Variants in ARFGEF3 observed in about 807,000 individuals in gnomAD.
ARFGEF3 encodes brefeldin A-inhibited guanine nucleotide-exchange protein 3.
In ARFGEF3, 96 loss-of-function variants were observed where a neutral mutation model predicts 221.7. That is an observed-to-expected ratio of 0.43 (90% CI 0.37 to 0.51). ARFGEF3 has a LOEUF of 0.51. Among genes scored for constraint, ARFGEF3 ranks in the 20% least tolerant of loss-of-function variants. The probability of loss-of-function intolerance (pLI) is 0.00; values close to 1 mark genes in which losing one functional copy is unlikely to be tolerated. For synonymous variants in ARFGEF3, 1,145 were observed against 1,126.8 expected (o/e 1.02, Z -0.32); for missense variants, 2,410 against 2,789.9 (o/e 0.86, Z 3.07).
chr6:138,180,285 C>A (rs1439904087), intron 2 of ARFGEF3, among the ~76,000 whole-genome samples: 1 of 152,204 alleles, frequency 6.6e-6, no homozygotes, highest in African/African-American at 2.4e-5. Context: ...GTGTTGGACT[C>A]CCCTTGCTAC....
intron 4 of ARFGEF3, among the ~76,000 whole-genome samples, chr6:138,210,959 G>GTGGGTAGT (rs1359874013): frequency 6.6e-6 from 1 of 152,176 alleles, no homozygotes; most frequent in Non-Finnish European, 1.5e-5. Flanking sequence ...AACCCTGTTG[G>GTGGGTAGT]TGGGTAGTTC....
At chr6:138,192,245 T>C (rs1777318317) in intron 2 of ARFGEF3, among the ~76,000 whole-genome samples, 1 of 152,046 alleles carries the variant, frequency 6.6e-6, no homozygotes, top group Admixed American at 6.6e-5. Context: ...TCCTAGCACT[T>C]TGGGAGGTCG....
chr6:138,207,204 T>G (rs1054888012), intron 3 of ARFGEF3, 81 bp downstream of exon 3: 28 of 1,016,068 alleles, frequency 2.8e-5, no homozygotes, highest in African/African-American at 6.4e-5. Context: ...GTTAACATTT[T>G]AAATACTGGC....
At position 138,210,065 on chromosome 6, in the gene ARFGEF3, G is replaced by A. The variant is rs758267584; in HGVS notation, c.351+24G>A. The A allele has an allele frequency of 3.1e-6, 5 of 1,610,508 alleles. No homozygotes were observed. The African/African-American group carries it at 4.0e-5, about 13-fold the overall frequency. On this transcript the variant is annotated intron_variant, in intron 4 of 33. Coordinates refer to ENST00000251691, the MANE Select transcript of ARFGEF3 (RefSeq NM_020340.5). ...AGGTTGGTTTGACGTGGCCAAGAGT[G>A]TGCGTCACTGGGACAGGAACACATC...
At chr6:138,231,198 C>T (rs140835907) in intron 5 of ARFGEF3, among the ~76,000 whole-genome samples, 34 of 152,118 alleles carry the variant, frequency 2.2e-4, no homozygotes, top group African/African-American at 7.7e-4. Flanking sequence ...AAGTTCGGCA[C>T]GAGTGAAGGG....
chr6:138,305,632 C>T (rs1050390949), intron 22 of ARFGEF3, among the ~76,000 whole-genome samples: 22 of 143,496 alleles, frequency 1.5e-4, no homozygotes, highest in African/African-American at 5.4e-4. Context: ...AAAAAAAAAG[C>T]CAAATAAACC....
At chr6:138,197,789 A>G (rs1299459257) in intron 2 of ARFGEF3, among the ~76,000 whole-genome samples, 2 of 152,174 alleles carry the variant, frequency 1.3e-5, no homozygotes, top group Non-Finnish European at 2.9e-5. Context: ...GGTTTTAATG[A>G]TGGCACTTCC....
intron 4 of ARFGEF3, among the ~76,000 whole-genome samples, chr6:138,229,179 T>A (rs1163912067): frequency 1.3e-5 from 2 of 152,230 alleles, no homozygotes; most frequent in Non-Finnish European, 2.9e-5. Flanking sequence ...GAATTTCTAA[T>A]TCCGTGTGGA....
At chr6:138,269,764 G>A (rs928676673) in intron 12 of ARFGEF3, among the ~76,000 whole-genome samples, 5 of 152,138 alleles carry the variant, frequency 3.3e-5, no homozygotes, top group South Asian at 2.1e-4. Context: ...CTGAGATCGT[G>A]CCACTGCACT....
rs76627125 is a variant in ARFGEF3, at chr6:138,198,124, A to T, written c.138-8918A>T. On this transcript the variant is annotated intron_variant, in intron 2 of 33. Coordinates refer to ENST00000251691, the MANE Select transcript of ARFGEF3 (RefSeq NM_020340.5). Reference sequence around the variant, plus strand: ...TGATGTCTTGAGGTAAAGTATAGGCATAACCATTTTATATTATTTAGAATT... The same window carrying T: ...TGATGTCTTGAGGTAAAGTATAGGCTTAACCATTTTATATTATTTAGAATT... Among the ~76,000 whole-genome samples, 231 of 152,346 alleles carry T rather than the reference A, an allele frequency of 1.5e-3. 1 individual carries two copies. The highest frequency in any genetic ancestry group is 4.8e-3 in the African/African-American group (201 of 41,574).
chr6:138,333,711 G>A (rs1780266733), intron 32 of ARFGEF3, among the ~76,000 whole-genome samples: 1 of 152,034 alleles, frequency 6.6e-6, no homozygotes, highest in Admixed American at 6.5e-5. Context: ...CAAAGTGCTG[G>A]GATTACAGGC....
chr6:138,234,211 G>T (rs1778243823), intron 5 of ARFGEF3, among the ~76,000 whole-genome samples: 1 of 152,150 alleles, frequency 6.6e-6, no homozygotes. Flanking sequence ...ACCTTCTGTA[G>T]ACCAAGTAGA....
intron 2 of ARFGEF3, among the ~76,000 whole-genome samples, chr6:138,194,908 TG>T (rs1264994644): frequency 6.6e-6 from 1 of 151,472 alleles, no homozygotes; most frequent in Non-Finnish European, 1.5e-5. Flanking sequence ...AGGCATTCAG[TG>T]TTCAGGCCAT....
chr6:138,247,513 C>G (rs1025400274), intron 8 of ARFGEF3, among the ~76,000 whole-genome samples: 1 of 152,182 alleles, frequency 6.6e-6, no homozygotes, highest in South Asian at 2.1e-4. Context: ...TCCATCATAA[C>G]ACAGACAGCT....
intron 4 of ARFGEF3, among the ~76,000 whole-genome samples, chr6:138,219,449 A>T (rs1404252637): frequency 6.6e-6 from 1 of 152,188 alleles, no homozygotes; most frequent in East Asian, 1.9e-4. Context: ...TTCAGGAATC[A>T]GCAGAACCAA....
At chr6:138,323,978 C>T (rs1780082569) in intron 30 of ARFGEF3, 45 bp from the exon 31 acceptor site, 1 of 1,600,114 alleles carries the variant, frequency 6.2e-7, no homozygotes, top group Non-Finnish European at 8.5e-7. Flanking sequence ...GAGCCCGGCC[C>T]ATGAACCAGG....
intron 14 of ARFGEF3, among the ~76,000 whole-genome samples, chr6:138,281,673 C>A (rs1779199275): frequency 6.6e-6 from 1 of 152,178 alleles, no homozygotes; most frequent in Non-Finnish European, 1.5e-5. Context: ...GTGTAGTGTT[C>A]CGTGGTGTAT....
intron 6 of ARFGEF3, among the ~76,000 whole-genome samples, chr6:138,242,596 C>CCTCT (rs1778412370): frequency 1.3e-5 from 2 of 152,174 alleles, no homozygotes; most frequent in Admixed American, 1.3e-4. Context: ...AATTAACTCA[C>CCTCT]CTCTTCAGGT....
intron 12 of ARFGEF3, among the ~76,000 whole-genome samples, chr6:138,277,630 T>C (rs553060118): frequency 4.7e-4 from 71 of 152,356 alleles, no homozygotes; most frequent in South Asian, 1.7e-3. Flanking sequence ...CATTAATTCT[T>C]ACTCATTCGG....
Sources: gnomAD v4.1 joint callset for allele counts (sites outside exome capture counted in the v4.1 genomes callset) on GRCh38, gnomAD v4.1.1 for gene constraint, MANE v1.5 for transcripts, NCBI Gene and HGNC (gene_info 2026-07-23, HGNC 2026-07-21) for gene names.